The following SMARCA2 variants were observed in gnomAD, a reference collection of about 807,000 sequenced individuals.
The protein encoded by SMARCA2 is SWI/SNF-related matrix-associated actin-dependent regulator of chromatin subfamily A member 2.
In SMARCA2, 61 loss-of-function variants were observed where a neutral mutation model predicts 199.8. That is an observed-to-expected ratio of 0.31 (90% CI 0.25 to 0.38). SMARCA2 has a LOEUF of 0.38. SMARCA2 is among the 10% of genes least tolerant of loss of function. SMARCA2 has a pLI of 1.00. For missense variants in SMARCA2, 1,344 were observed against 2,012.2 expected, an observed-to-expected ratio of 0.67 and a Z score of 6.35; for synonymous variants, 935 against 732.0, an observed-to-expected ratio of 1.28 and a Z score of -4.48.
At chr9:2,053,569 AAGAG>A (rs1389051229) in intron 5 of SMARCA2, among the ~76,000 whole-genome samples, 6 of 152,208 alleles carry the variant, frequency 3.9e-5, no homozygotes, top group African/African-American at 1.4e-4. Context: ...CTGTGTGTGT[AAGAG>A]AGAGACAATT....
chr9:2,079,282 C>G (rs995985797), intron 14 of SMARCA2, among the ~76,000 whole-genome samples: 4 of 152,230 alleles, frequency 2.6e-5, no homozygotes, highest in Non-Finnish European at 5.9e-5. Flanking sequence ...TCCCAAATTT[C>G]TTTGACTACC....
chr9:2,107,595 G>A (rs1322546425), intron 23 of SMARCA2, among the ~76,000 whole-genome samples: 2 of 152,210 alleles, frequency 1.3e-5, no homozygotes, highest in Admixed American at 6.5e-5. Context: ...TGGGATTACA[G>A]GTGTGAGCCA....
At chr9:2,081,785 T>C (rs758737076) in intron 14 of SMARCA2, 47 bp from the exon 15 acceptor site, 1 of 1,571,798 alleles carries the variant, frequency 6.4e-7, no homozygotes, top group Non-Finnish European at 8.7e-7. Flanking sequence ...TAGGATTAAT[T>C]ACCTGTGCAG....
At chr9:2,145,065 C>T (rs953574700) in intron 27 of SMARCA2, among the ~76,000 whole-genome samples, 16 of 152,060 alleles carry the variant, frequency 1.1e-4, no homozygotes, top group African/African-American at 3.9e-4. Context: ...TTTGGGAGGC[C>T]TAGGCGGACG....
intron 27 of SMARCA2, among the ~76,000 whole-genome samples, chr9:2,129,866 T>G (rs1223054732): frequency 6.6e-6 from 1 of 152,198 alleles, no homozygotes; most frequent in Non-Finnish European, 1.5e-5. Flanking sequence ...ACAAATTCTT[T>G]TTTTTGAGGC....
intron 29 of SMARCA2, among the ~76,000 whole-genome samples, chr9:2,180,308 G>A (rs955437773): frequency 3.3e-5 from 5 of 152,072 alleles, no homozygotes; most frequent in Non-Finnish European, 5.9e-5. Flanking sequence ...GAGGATTTTC[G>A]GTTAATTTAT....
intron 28 of SMARCA2, among the ~76,000 whole-genome samples, chr9:2,167,087 T>C (rs1367483133): frequency 6.6e-6 from 1 of 152,238 alleles, no homozygotes; most frequent in Non-Finnish European, 1.5e-5. Context: ...ATATTGAAAT[T>C]GGGACATTTG....
intron 17 of SMARCA2, among the ~76,000 whole-genome samples, chr9:2,084,444 G>T (rs1821711631): frequency 6.7e-6 from 1 of 149,930 alleles, no homozygotes; most frequent in African/African-American, 2.5e-5. Context: ...GGCGGCTCTT[G>T]TCTATCCCCT....
chr9:2,077,607 T>A, intron 13 of SMARCA2, 22 bp from the exon 14 acceptor site: 1 of 1,611,070 alleles, frequency 6.2e-7, no homozygotes, highest in Non-Finnish European at 8.5e-7. Flanking sequence ...TGTGTGTGAT[T>A]CTCCACTTTT....
At chr9:2,171,450 G>A (rs1826243382) in intron 29 of SMARCA2, among the ~76,000 whole-genome samples, 1 of 152,200 alleles carries the variant, frequency 6.6e-6, no homozygotes, top group Non-Finnish European at 1.5e-5. Flanking sequence ...TTAAAAACTA[G>A]TGGTGATTTA....
At chr9:2,127,724 G>A (rs1264124394) in intron 27 of SMARCA2, among the ~76,000 whole-genome samples, 1 of 152,176 alleles carries the variant, frequency 6.6e-6, no homozygotes, top group Non-Finnish European at 1.5e-5. Context: ...ACAAAATTTT[G>A]GTGAATATTT....
chr9:2,050,334 C>CT (rs1206936429), intron 5 of SMARCA2, among the ~76,000 whole-genome samples: 7 of 145,010 alleles, frequency 4.8e-5, no homozygotes, highest in East Asian at 2.0e-4. Flanking sequence ...TTTTTTTTTT[C>CT]TTTTTTTTCT....
At chr9:2,049,595 C>G (rs1454627485) in intron 5 of SMARCA2, among the ~76,000 whole-genome samples, 2 of 152,136 alleles carry the variant, frequency 1.3e-5, no homozygotes, top group East Asian at 3.8e-4. Flanking sequence ...GGTCATGGGT[C>G]CTTTGGTCTG....
intron 8 of SMARCA2, among the ~76,000 whole-genome samples, chr9:2,060,133 A>AAAAAAAAAAAAG (rs1820522297): frequency 3.0e-5 from 3 of 101,012 alleles, no homozygotes; most frequent in African/African-American, 1.5e-4. Context: ...AAAAAAAAAA[A>AAAAAAAAAAAAG]AAAAAAAAAA....
chr9:2,172,707 C>T (rs1362461064), intron 29 of SMARCA2, among the ~76,000 whole-genome samples: 1 of 152,026 alleles, frequency 6.6e-6, no homozygotes, highest in East Asian at 1.9e-4. Context: ...CTGTTACGAG[C>T]ACTGTTTCAA....
At chr9:2,143,330 C>G (rs1824555754) in intron 27 of SMARCA2, among the ~76,000 whole-genome samples, 1 of 152,112 alleles carries the variant, frequency 6.6e-6, no homozygotes, top group African/African-American at 2.4e-5. Flanking sequence ...AGGGCCAGAC[C>G]CTGGAGGCTA....
intron 27 of SMARCA2, among the ~76,000 whole-genome samples, chr9:2,128,256 G>C (rs1047335936): frequency 6.6e-6 from 1 of 152,202 alleles, no homozygotes; most frequent in Non-Finnish European, 1.5e-5. Flanking sequence ...CTGCTGGTCT[G>C]CTCCTTTCCT....
chr9:2,177,827 C>A (rs377680082), intron 29 of SMARCA2, among the ~76,000 whole-genome samples: 14 of 152,228 alleles, frequency 9.2e-5, no homozygotes, highest in Non-Finnish European at 1.2e-4. Context: ...GCTGGGATTA[C>A]AGGCATGAGC....
intron 22 of SMARCA2, 139 bp from the exon 23 acceptor site, chr9:2,103,864 C>A: frequency 1.6e-6 from 1 of 616,260 alleles, no homozygotes; most frequent in Non-Finnish European, 2.8e-6. Flanking sequence ...AGTTCATATT[C>A]ATTCATTCAT....
Sources: gnomAD v4.1 joint callset for allele counts (sites outside exome capture counted in the v4.1 genomes callset) on GRCh38, gnomAD v4.1.1 for gene constraint, MANE v1.5 for transcripts, NCBI Gene and HGNC (gene_info 2026-07-23, HGNC 2026-07-21) for gene names.